PSD4: variants seen among roughly 807,000 people sequenced by gnomAD.
PSD4 encodes PH and SEC7 domain-containing protein 4.
A neutral mutation model predicts 112.5 loss-of-function variants in PSD4; 59 were observed. The observed-to-expected ratio is 0.52, with a 90% CI of 0.43 to 0.65. PSD4 has a LOEUF of 0.65. Among genes scored for constraint, PSD4 ranks in the 30% least tolerant of loss-of-function variants. The pLI is 0.00. For synonymous variants in PSD4, 533 were observed against 540.0 expected, an observed-to-expected ratio of 0.99 and a Z score of 0.18; for missense variants, 1,267 against 1,352.6, an observed-to-expected ratio of 0.94 and a Z score of 0.99.
In PSD4 at chr2:113,193,354, G is replaced by T. The variant is rs267598845; in HGVS notation, c.2016G>T (p.Gly672=). The change falls in exon 8 of 17, where the codon GGG becomes GGT. Residue 672 remains glycine, a synonymous_variant. Transcript: ENST00000245796. ...FSRRFHHCNP[G]IFPSVDSVHT... is the part of the protein sequence containing the mutation. The stretch of plus-strand genomic sequence containing the variant: ...GACGCTTCCACCATTGCAATCCGGG[G>T]ATCTTCCCCTCAGTAGGTAGGGAGG... 1.9e-5 allele frequency: 31 copies of T among 1,605,116 alleles called. No individual in the cohort carries two copies. The highest frequency in any genetic ancestry group is 2.5e-5 in the Non-Finnish European group (29 of 1,177,530).
intron 5 of PSD4, 70 bp downstream of exon 5, chr2:113,186,325 G>A: frequency 6.9e-7 from 1 of 1,457,218 alleles, no homozygotes; most frequent in South Asian, 1.4e-5. Context: ...TAGTCTGGAT[G>A]GAGGGTGAGA....
At chr2:113,195,551 G>GGATA (rs760764228) in intron 10 of PSD4, among the ~76,000 whole-genome samples, 176 bp from the exon 11 acceptor site, 3 of 54,274 alleles carry the variant, frequency 5.5e-5, no homozygotes, top group Admixed American at 2.7e-4. Flanking sequence ...ATGGATGGAT[G>GGATA]GATGGATGGA....
chr2:113,201,584 A>T lies in PSD4; in HGVS notation c.*169A>T. The T allele has an allele frequency of 1.0e-6, 1 of 970,552 alleles. No individual in the cohort carries two copies. Among genetic ancestry groups the T allele is most frequent in the Non-Finnish European group, 1.5e-6 (1 of 668,754 alleles). The allele number at this position is 970,552 out of a possible 1,614,324, so 60.1% of individuals were successfully genotyped here. ...TGGCCCTCATTCTTGTGCTCCCTGA[A>T]GCTTTCCTAATATTGCTGTGCTCCC... On this transcript the variant is annotated 3_prime_UTR_variant, in exon 17 of 17. Coordinates refer to ENST00000245796, the MANE Select transcript of PSD4 (RefSeq NM_012455.3).
Position 113,182,643 on chromosome 2 carries a change from G to A in PSD4, c.187G>A (p.Val63Ile). 9 of 1,613,930 alleles carry A rather than the reference G, an allele frequency of 5.6e-6. No individual in the cohort carries two copies. The highest frequency in any genetic ancestry group is 7.6e-6 in the Non-Finnish European group (9 of 1,179,934). The change falls in exon 2 of 17, where the codon GTT becomes ATT. Residue 63 changes from valine to isoleucine, a missense_variant. Physicochemically the swap from Val to Ile is conservative, Grantham distance 29 (BLOSUM62 3). This residue lies in a region of PSD4 where 723 missense variants were observed against 704.0 expected (regional missense o/e 1.03). Coordinates refer to ENST00000245796, the MANE Select transcript of PSD4 (RefSeq NM_012455.3). ...TDPPEPTRQN[V>I]PPWGSGVELT... ...CCCTCCTGAACCTACCAGACAAAAT[G>A]TTCCTCCCTGGGGCTCCGGTGTGGA...
intron 3 of PSD4, 42 bp from the exon 4 acceptor site, chr2:113,185,323 T>G: frequency 2.5e-6 from 4 of 1,610,910 alleles, no homozygotes; most frequent in Non-Finnish European, 3.4e-6. Flanking sequence ...CACCTCTCTG[T>G]GTATCCAGGG....
At chr2:113,185,726 T>G in intron 4 of PSD4, 151 bp from the exon 5 acceptor site, 1 of 1,549,488 alleles carries the variant, frequency 6.5e-7, no homozygotes, top group Non-Finnish European at 8.7e-7. Context: ...CTGCTGCCTC[T>G]GCAAGTGGGA....
In PSD4 at chr2:113,201,483, A is replaced by T. The variant is rs1688778535; in HGVS notation, c.*68A>T. On this transcript the variant is annotated 3_prime_UTR_variant, in exon 17 of 17. Transcript: ENST00000245796. ...GACCTGAGATGAACCTCCCTGGAGG[A>T]GACTTATTTCAATGAGTCCACCATG... is the stretch of plus-strand genomic sequence containing the variant. The T allele has an allele frequency of 1.3e-6, 2 of 1,573,332 alleles. No individual in the cohort carries two copies. Among genetic ancestry groups the T allele is most frequent in the African/African-American group, 2.7e-5 (2 of 74,154 alleles).
Position 113,207,454 on chromosome 2 carries a change from C to CTTTTTTTTTTTTTTTTTTTT in PSD4, c.*6040_*6059dup, listed in dbSNP as rs397985506. 2.1e-5 allele frequency: 2 copies of CTTTTTTTTTTTTTTTTTTTT among 95,514 alleles called. No individual in the cohort carries two copies. The highest frequency in any genetic ancestry group is 1.9e-5 in the Non-Finnish European group (1 of 51,674). The allele number at this position is 95,514 out of a possible 1,614,324, so 5.9% of individuals were successfully genotyped here. A position where few individuals can be genotyped will look rare whatever the true frequency, so the allele number is the denominator to read the frequency against. Reference sequence around the variant, plus strand: ...TAACTCTCCTCTCCTCTCTCCTCTTCTTTTTTTTTTTTTTTTTTTTGAGAT... The same window carrying CTTTTTTTTTTTTTTTTTTTT: ...TAACTCTCCTCTCCTCTCTCCTCTTCTTTTTTTTTTTTTTTTTTTTTTTTTTTTTTTTTTTTTTTTGAGAT... On this transcript the variant is annotated 3_prime_UTR_variant, in exon 17 of 17. Coordinates refer to ENST00000245796, the MANE Select transcript of PSD4 (RefSeq NM_012455.3).
intron 14 of PSD4, chr2:113,198,284 T>G (rs902856126): frequency 1.3e-5 from 3 of 239,182 alleles, no homozygotes; most frequent in Non-Finnish European, 8.0e-6. Flanking sequence ...TTATTGTTTA[T>G]TTTTGAGACA....
intron 5 of PSD4, among the ~76,000 whole-genome samples, chr2:113,189,645 C>T (rs1228294676): frequency 2.0e-5 from 3 of 152,130 alleles, no homozygotes; most frequent in African/African-American, 4.8e-5. Flanking sequence ...AGTGTAGAAG[C>T]GTTCCCTATT....
At chr2:113,192,068 A>G (rs1377132464) in intron 5 of PSD4, among the ~76,000 whole-genome samples, 1 of 151,736 alleles carries the variant, frequency 6.6e-6, no homozygotes, top group East Asian at 1.9e-4. Context: ...GCATTGGAGA[A>G]AACAACGCTA....
At chr2:113,198,699 G>C in intron 14 of PSD4, 41 bp from the exon 15 acceptor site, 1 of 1,506,786 alleles carries the variant, frequency 6.6e-7, no homozygotes, top group Non-Finnish European at 8.9e-7. Flanking sequence ...TGACAGGACG[G>C]ACTCTGTGTC....
intron 9 of PSD4, 92 bp downstream of exon 9, chr2:113,193,742 C>T (rs1688522509): frequency 6.4e-7 from 1 of 1,557,502 alleles, no homozygotes; most frequent in African/African-American, 1.4e-5. Flanking sequence ...GGGCAGGGAA[C>T]ACCCCTGAGG....
At chr2:113,188,387 G>A (rs1479275015) in intron 5 of PSD4, among the ~76,000 whole-genome samples, 1 of 152,010 alleles carries the variant, frequency 6.6e-6, no homozygotes, top group African/African-American at 2.4e-5. Flanking sequence ...GGGATTACAG[G>A]CGTGTGCCAC....
intron 6 of PSD4, 114 bp from the exon 7 acceptor site, chr2:113,192,934 C>T: frequency 9.5e-7 from 1 of 1,055,630 alleles, no homozygotes; most frequent in Middle Eastern, 2.7e-4. Flanking sequence ...GTGCCTGCAC[C>T]CTTCCCTTGC....
At chr2:113,193,172 A>C in intron 7 of PSD4, 44 bp downstream of exon 7, 1 of 1,606,210 alleles carries the variant, frequency 6.2e-7, no homozygotes, top group Non-Finnish European at 8.5e-7. Context: ...GGAGGATGGC[A>C]TGGGGCAGTG....
At chr2:113,185,255 C>G (rs1315630235) in intron 3 of PSD4, 110 bp from the exon 4 acceptor site, 39 of 1,545,866 alleles carry the variant, frequency 2.5e-5, no homozygotes, top group Non-Finnish European at 3.3e-5. Flanking sequence ...TCTGCCTACT[C>G]ATGGCATCCT....
rs1688780288 is a variant in PSD4 at position 113,201,571 on chromosome 2, T to C, written c.*156T>C. ...CCTTGTTTCCCTGTGGCCCTCATTC[T>C]TGTGCTCCCTGAAGCTTTCCTAATA... is the stretch of plus-strand genomic sequence containing the variant. On this transcript the variant is annotated 3_prime_UTR_variant, in exon 17 of 17. Transcript: ENST00000245796. 1 of 1,072,226 alleles carries C rather than the reference T, an allele frequency of 9.3e-7. No homozygotes were observed. Among genetic ancestry groups the C allele is most frequent in the Non-Finnish European group, 1.3e-6 (1 of 756,378 alleles). 66.4% of individuals were successfully genotyped at this position (1,072,226 alleles called of 1,614,324 possible).
At chr2:113,197,454 G>A (rs1000187401) in intron 12 of PSD4, 110 bp from the exon 13 acceptor site, 1 of 1,091,852 alleles carries the variant, frequency 9.2e-7, no homozygotes, top group East Asian at 2.5e-5. Context: ...CCTGGTGAGA[G>A]ACTGGAGGTG....
Sources: gnomAD v4.1 joint callset for allele counts (sites outside exome capture counted in the v4.1 genomes callset) on GRCh38, gnomAD v4.1.1 for gene constraint, gnomAD v4.1.1 regional missense constraint, MANE v1.5 for transcripts, NCBI Gene and HGNC (gene_info 2026-07-23, HGNC 2026-07-21) for gene names.